The following PDS5A variants were observed in gnomAD, a reference collection of about 807,000 sequenced individuals.
PDS5A encodes the protein sister chromatid cohesion protein PDS5 homolog A.
A neutral mutation model predicts 167.1 loss-of-function variants in PDS5A; 42 were observed. The observed-to-expected ratio is 0.25, with a 90% CI of 0.20 to 0.33. The LOEUF (loss-of-function observed/expected upper bound fraction) is 0.33. PDS5A is among the 10% of genes least tolerant of loss of function. PDS5A has a pLI of 1.00. For missense variants in PDS5A, 1,033 were observed against 1,605.9 expected (o/e 0.64, Z 6.10); for synonymous variants, 553 against 554.6 (o/e 1.00, Z 0.04).
intron 2 of PDS5A, among the ~76,000 whole-genome samples, chr4:39,955,586 G>A (rs1044139808): frequency 1.3e-5 from 2 of 151,880 alleles, no homozygotes; most frequent in African/African-American, 4.8e-5. Context: ...GGGTGACAGA[G>A]CGAGACTCTG....
intron 23 of PDS5A, among the ~76,000 whole-genome samples, chr4:39,865,164 TATTG>T (rs1314235963): frequency 1.3e-5 from 2 of 152,058 alleles, no homozygotes; most frequent in South Asian, 2.1e-4. Context: ...TGAAAAGAGG[TATTG>T]ATTAAGTTTA....
intron 6 of PDS5A, among the ~76,000 whole-genome samples, chr4:39,921,913 C>T (rs1032485497): frequency 6.6e-6 from 1 of 152,056 alleles, no homozygotes; most frequent in African/African-American, 2.4e-5. Flanking sequence ...TATTTAAACT[C>T]GAGAAGAATT....
At chr4:39,949,815 G>A (rs1398490387) in intron 2 of PDS5A, among the ~76,000 whole-genome samples, 15 of 1,262 alleles carry the variant, frequency 0.012, no homozygotes, top group Non-Finnish European at 0.033. Flanking sequence ...ATAAGACTCT[G>A]TCTCAGAAAA....
Position 39,862,308 on chromosome 4 carries a change from T to C in PDS5A, c.2997A>G (p.Glu999=). 6.6e-7 allele frequency: 1 copy of C among 1,513,502 alleles called. No individual in the cohort carries two copies. The highest frequency in any genetic ancestry group is 9.0e-7 in the Non-Finnish European group (1 of 1,113,818). The allele number at this position is 1,513,502 out of a possible 1,614,324, so 93.8% of individuals were successfully genotyped here. A position where few individuals can be genotyped will look rare whatever the true frequency, so the allele number is the denominator to read the frequency against. ...GGTGAATCATGTATGGAACTACATA[T>C]TCAGGCAACAGTGATAATAATTTCT... is the stretch of plus-strand genomic sequence containing the variant. ...ATEKLLSLLP[E]YVVPYMIHLL... The change falls in exon 26 of 33, where the codon GAA becomes GAG. Residue 999 remains glutamate (E), a synonymous_variant. Coordinates refer to ENST00000303538, the MANE Select transcript of PDS5A (RefSeq NM_001100399.2).
intron 2 of PDS5A, among the ~76,000 whole-genome samples, chr4:39,965,454 T>G (rs1729886113): frequency 6.6e-6 from 1 of 152,106 alleles, no homozygotes; most frequent in Non-Finnish European, 1.5e-5. Flanking sequence ...CACAAAACTG[T>G]GAGACAATAA....
At chr4:39,869,261 A>T in intron 22 of PDS5A, 133 bp downstream of exon 22, 3 of 674,302 alleles carry the variant, frequency 4.4e-6, no homozygotes, top group Non-Finnish European at 8.0e-6. Flanking sequence ...AGCTGAGCCC[A>T]GGAGTTCAAG....
intron 2 of PDS5A, among the ~76,000 whole-genome samples, chr4:39,945,458 C>CAAAAAAAAAAAAAAAAAAAAAAAA: frequency 1.5e-5 from 1 of 66,840 alleles, no homozygotes; most frequent in Non-Finnish European, 3.0e-5. Context: ...GAGACTGCCT[C>CAAAAAAAAAAAAAAAAAAAAAAAA]AAAAAAAAAA....
intron 21 of PDS5A, among the ~76,000 whole-genome samples, chr4:39,872,052 T>A (rs180793801): frequency 6.6e-5 from 10 of 151,790 alleles, no homozygotes; most frequent in African/African-American, 2.4e-4. Flanking sequence ...ATTTGGGGAG[T>A]CTTTTCAATC....
chr4:39,837,348 T>C (rs1181068593), intron 32 of PDS5A: 1 of 152,882 alleles, frequency 6.5e-6, no homozygotes, highest in African/African-American at 2.4e-5. Context: ...GTCTGAAATC[T>C]CAGCACAAGA....
rs746420371 is a variant in PDS5A, at chr4:39,844,649, A to C, written c.3548+7T>G. 8.1e-5 allele frequency: 129 copies of C among 1,602,016 alleles called. 1 individual carries two copies. The South Asian group carries it at 1.4e-3, about 18-fold the overall frequency. Reference sequence around the variant, plus strand: ...CTAGTAACAAAATAATTGGAGAGAAAAGTTGCCTTGATCGATTTCCGGTTG... The same window carrying C: ...CTAGTAACAAAATAATTGGAGAGAACAGTTGCCTTGATCGATTTCCGGTTG... On this transcript the variant is annotated splice_region_variant and intron_variant, in intron 30 of 32. Transcript: ENST00000303538.
chr4:39,948,607 G>A lies in PDS5A; in HGVS notation c.139-20443C>T, dbSNP rs971753910. Among the ~76,000 whole-genome samples, 3 of 147,012 alleles carry A rather than the reference G, an allele frequency of 2.0e-5. No individual in the cohort carries two copies. The Admixed American group carries it at 2.1e-4, about 10-fold the overall frequency. ...CAAAGTGCTGGGATTACACGTGTGA[G>A]CTACCACGCCTGGATTTTTTTTTTT... On this transcript the variant is annotated intron_variant, in intron 2 of 32. Transcript: ENST00000303538.
intron 4 of PDS5A, among the ~76,000 whole-genome samples, chr4:39,926,428 G>T (rs1224388739): frequency 6.6e-6 from 1 of 150,808 alleles, no homozygotes. Context: ...TGAGGCAGAA[G>T]AATTGCTTGA....
intron 11 of PDS5A, among the ~76,000 whole-genome samples, chr4:39,904,977 T>G (rs1338652211): frequency 6.6e-6 from 1 of 152,208 alleles, no homozygotes; most frequent in Non-Finnish European, 1.5e-5. Flanking sequence ...CTTTAGATGT[T>G]AACTTCGGAT....
intron 32 of PDS5A, among the ~76,000 whole-genome samples, chr4:39,828,445 T>C (rs911393731): frequency 9.9e-5 from 15 of 152,202 alleles, no homozygotes; most frequent in African/African-American, 3.6e-4. Flanking sequence ...CCTAATGTTT[T>C]GAGTAAAAAC....
chr4:39,954,188 AAAC>A (rs1728683069), intron 2 of PDS5A, among the ~76,000 whole-genome samples: 1 of 151,462 alleles, frequency 6.6e-6, no homozygotes. Context: ...GGAGAAAAAA[AAAC>A]AAACAAACAG....
At chr4:39,826,777 G>A (rs956347646) in intron 32 of PDS5A, among the ~76,000 whole-genome samples, 1 of 151,450 alleles carries the variant, frequency 6.6e-6, no homozygotes, top group Admixed American at 6.6e-5. Context: ...GAACCACCAC[G>A]CCCGGCCCAT....
chr4:39,948,798 T>TG (rs2109782347), intron 2 of PDS5A, among the ~76,000 whole-genome samples: 1 of 151,984 alleles, frequency 6.6e-6, no homozygotes, highest in East Asian at 1.9e-4. Flanking sequence ...ATAATTTTTC[T>TG]ATTTTTAGTT....
chr4:39,969,690 G>T (rs75336628), intron 2 of PDS5A, among the ~76,000 whole-genome samples: 1,520 of 151,906 alleles, frequency 0.01, 58 homozygotes, highest in African/African-American at 0.035. Flanking sequence ...GTCCTTAGCT[G>T]CAATTTGAAA....
intron 2 of PDS5A, among the ~76,000 whole-genome samples, chr4:39,928,971 AT>A (rs1443559722): frequency 1.3e-5 from 2 of 152,216 alleles, no homozygotes; most frequent in African/African-American, 2.4e-5. Flanking sequence ...ATGAAAAAAA[AT>A]AAAAGAAAAA....
Sources: allele counts gnomAD v4.1 joint callset (sites outside exome capture counted in the v4.1 genomes callset), GRCh38; gene constraint gnomAD v4.1.1; transcripts MANE v1.5; gene names NCBI Gene and HGNC (gene_info 2026-07-23, HGNC 2026-07-21).